Variants in OTOF observed in about 807,000 individuals in gnomAD.
OTOF encodes the protein otoferlin.
In OTOF, 218 loss-of-function variants were observed where a neutral mutation model predicts 236.8. That is an observed-to-expected ratio of 0.92 (90% CI 0.82 to 1.03). OTOF has a LOEUF of 1.03. Among genes scored for constraint, OTOF ranks in the 50% least tolerant of loss-of-function variants. The pLI, the probability that OTOF is intolerant of heterozygous loss-of-function variation, is 0.00. For missense variants in OTOF, 2,590 were observed against 2,694.4 expected (o/e 0.96, Z 0.86); for synonymous variants, 1,041 against 1,072.5 (o/e 0.97, Z 0.57).
At chr2:26,478,043 C>G (rs761544372) in intron 18 of OTOF, 15 of 1,434,208 alleles carry the variant, frequency 1.0e-5, no homozygotes, top group Non-Finnish European at 1.4e-5. Flanking sequence ...GAACTCACGG[C>G]TACGGGGCTC....
chr2:26,478,041 G>A (rs1339209751), intron 18 of OTOF: 7 of 1,434,812 alleles, frequency 4.9e-6, no homozygotes, highest in Non-Finnish European at 6.4e-6. Context: ...CAGAACTCAC[G>A]GCTACGGGGC....
At position 26,542,264 on chromosome 2, in the gene OTOF, C is replaced by T. The variant is rs566243759; in HGVS notation, c.80-4490G>A. Among the ~76,000 whole-genome samples, 4 of 152,322 alleles carry T rather than the reference C, an allele frequency of 2.6e-5. No individual in the cohort carries two copies. The East Asian group carries it at 7.7e-4, about 29-fold the overall frequency. ...GGTGTGCAGGGACACGGCTGCCAGCCCATGTGTGTTCATTCATTTCCACAG... is the reference window on the plus strand; with the variant it reads ...GGTGTGCAGGGACACGGCTGCCAGCTCATGTGTGTTCATTCATTTCCACAG... On this transcript the variant is annotated intron_variant, in intron 1 of 46. Transcript: ENST00000272371.
Position 26,461,827 on chromosome 2 carries a change from G to A in OTOF, c.5402C>T (p.Ala1801Val), listed in dbSNP as rs764563570. Residue 1801 changes from alanine to valine, a missense_variant, in exon 43 of 47, where the codon GCG (alanine) becomes GTG (valine). Around this residue, in one of 2 missense-constraint regions of OTOF, gnomAD observed 1,211 missense variants for 1,352.8 expected, o/e 0.90. Coordinates refer to ENST00000272371, the MANE Select transcript of OTOF (RefSeq NM_194248.3). This position sits in a 1 kb window ranked among gnomAD's most constrained non-coding sequence, Gnocchi z 6.2. The stretch of plus-strand genomic sequence containing the variant: ...GGAGATGACGATCTTCTCCTCCGCC[G>A]CCAGGTAGTCGAAGGGGAACAGGTA... Reference protein sequence around the residue: ...WRYLFPFDYLAAEEKIVISKK... With the variant: ...WRYLFPFDYLVAEEKIVISKK... 84 of 1,614,030 alleles carry A rather than the reference G, an allele frequency of 5.2e-5. No homozygotes were observed. In the Admixed American group the frequency reaches 8.2e-4, roughly 16 times the overall value.
chr2:26,508,633 C>T (rs1666310040), intron 5 of OTOF, among the ~76,000 whole-genome samples: 2 of 152,232 alleles, frequency 1.3e-5, no homozygotes, highest in Non-Finnish European at 2.9e-5. Flanking sequence ...GGTGTTTTCT[C>T]ATCTCCCCAA....
intron 2 of OTOF, 109 bp downstream of exon 2, chr2:26,537,607 G>C (rs2148122707): frequency 1.2e-6 from 1 of 822,784 alleles, no homozygotes; most frequent in East Asian, 2.7e-5. Flanking sequence ...GCTCAGAGCA[G>C]GCCAGTGCCT....
chr2:26,466,592 C>T (rs1428158115), intron 36 of OTOF, 122 bp downstream of exon 36: 3 of 1,209,824 alleles, frequency 2.5e-6, no homozygotes, highest in Admixed American at 1.9e-5. Context: ...CTGCCTTGGC[C>T]TCCCAAAGTG....
rs754740083 is a variant in OTOF at position 26,483,602 on chromosome 2, G to A, written c.1252C>T (p.Arg418Trp). 35 of 1,613,258 alleles carry A rather than the reference G, an allele frequency of 2.2e-5. No individual in the cohort carries two copies. Among genetic ancestry groups the A allele is most frequent in the Non-Finnish European group, 2.8e-5 (33 of 1,180,014 alleles). ...GCTCGGTAAATTTTCACATAGAACC[G>A]GGCCCACTGGCGTTCGGGGGGCACC... ...EGVPPERQWA[R>W]FYVKIYRAEG... The change falls in exon 13 of 47, where the codon CGG (arginine) becomes TGG (tryptophan). Residue 418 changes from arginine (R) to tryptophan (W), a missense_variant. Transcript: ENST00000272371.
rs755515804 is a variant in OTOF, at chr2:26,519,570, C to T, written c.228-461G>A. Among the ~76,000 whole-genome samples the T allele has an allele frequency of 2.7e-4, 41 of 152,214 alleles. 1 individual carries two copies. The highest frequency in any genetic ancestry group is 5.4e-4 in the Non-Finnish European group (37 of 68,034). On this transcript the variant is annotated intron_variant, in intron 3 of 46. Transcript: ENST00000272371. ...CACTCATCCATTCCACATCTGCAGC[C>T]TGTAAGTTCCTGGATGGCAGGAACC... is the stretch of plus-strand genomic sequence containing the variant.
intron 15 of OTOF, 38 bp downstream of exon 15, chr2:26,480,748 G>A: frequency 6.5e-7 from 1 of 1,543,848 alleles, no homozygotes; most frequent in Non-Finnish European, 8.9e-7. Context: ...GGGCTGAGCT[G>A]GAGGCCCTGG....
At chr2:26,549,816 G>T (rs892697235) in intron 1 of OTOF, among the ~76,000 whole-genome samples, 3 of 152,112 alleles carry the variant, frequency 2.0e-5, no homozygotes, top group Non-Finnish European at 2.9e-5. Context: ...TGAAAGCGCT[G>T]GTTCCCATTT....
At chr2:26,541,425 A>G (rs571732755) in intron 1 of OTOF, among the ~76,000 whole-genome samples, 1 of 152,334 alleles carries the variant, frequency 6.6e-6, no homozygotes, top group Admixed American at 6.5e-5. Context: ...ACCTGTAGAT[A>G]TTCTTTTTTA....
chr2:26,550,596 G>A (rs1667435951), intron 1 of OTOF, among the ~76,000 whole-genome samples: 1 of 152,170 alleles, frequency 6.6e-6, no homozygotes, highest in South Asian at 2.1e-4. Flanking sequence ...CTGTCTAGAT[G>A]AGAATCAACT....
rs149069369 is a variant in OTOF at position 26,494,999 on chromosome 2, A to T, written c.840T>A (p.Gly280=). 8 of 1,613,924 alleles carry T rather than the reference A, an allele frequency of 5.0e-6. No homozygotes were observed. In the African/African-American group the frequency reaches 1.1e-4, roughly 22 times the overall value. ...NMDPVVCVEV[G]DDKKYTSMKE... is the part of the protein sequence containing the mutation. The stretch of plus-strand genomic sequence containing the variant: ...TCATGGATGTGTACTTCTTGTCGTC[A>T]CCCACCTCCACGCACACCACAGGGT... Residue 280 remains glycine (G), a synonymous_variant, in exon 9 of 47, where the codon GGT becomes GGA. Coordinates refer to ENST00000272371, the MANE Select transcript of OTOF (RefSeq NM_194248.3).
rs769983044 is a variant in OTOF at position 26,473,126 on chromosome 2, C to G, written c.3733+6G>C. Reference sequence around the variant, plus strand: ...AGGCTTGGTGGCAGGGTGGATGTGGCCATACCCGTGGTGTTCCAGCTGGGG... The same window carrying G: ...AGGCTTGGTGGCAGGGTGGATGTGGGCATACCCGTGGTGTTCCAGCTGGGG... On this transcript the variant is annotated splice_donor_region_variant and intron_variant, in intron 29 of 46. Transcript: ENST00000272371. This position sits in a 1 kb window ranked among gnomAD's most constrained non-coding sequence, Gnocchi z 7.2. 2.5e-5 allele frequency: 41 copies of G among 1,610,842 alleles called. 1 individual carries two copies. In the South Asian group the frequency reaches 4.4e-4, roughly 17 times the overall value.
intron 18 of OTOF, chr2:26,478,062 C>T: frequency 7.0e-7 from 1 of 1,425,348 alleles, no homozygotes; most frequent in Non-Finnish European, 9.1e-7. Context: ...TCAGGGCTGG[C>T]CAGAGACAGA....
chr2:26,470,844 C>T lies in OTOF; in HGVS notation c.3895-123G>A. On this transcript the variant is annotated intron_variant, in intron 31 of 46. Coordinates refer to ENST00000272371, the MANE Select transcript of OTOF (RefSeq NM_194248.3). The surrounding 1 kb of genome is among the most constrained non-coding windows in gnomAD (Gnocchi z 4.3). ...TGGGCTCCATGAGGCTCTGTGGGGC[C>T]ACCCATGTCCAAGGGGCAGGGCCTT... 6.6e-7 allele frequency: 1 copy of T among 1,514,370 alleles called. No individual in the cohort carries two copies. The highest frequency in any genetic ancestry group is 8.9e-7 in the Non-Finnish European group (1 of 1,123,802). The allele number at this position is 1,514,370 out of a possible 1,614,324, so 93.8% of individuals were successfully genotyped here.
intron 36 of OTOF, chr2:26,466,339 CTTTTTTTT>C: frequency 2.0e-6 from 1 of 499,466 alleles, no homozygotes; most frequent in Non-Finnish European, 3.6e-6. Context: ...GCTTCTTCTT[CTTTTTTTT>C]TTCCTTTGAG....
intron 5 of OTOF, 63 bp downstream of exon 5, chr2:26,516,355 G>T: frequency 6.7e-7 from 1 of 1,494,192 alleles, no homozygotes; most frequent in Non-Finnish European, 9.2e-7. Context: ...AGTAGGACCA[G>T]GCCCCAGGTC....
intron 11 of OTOF, among the ~76,000 whole-genome samples, chr2:26,487,963 C>G (rs1009292860): frequency 2.0e-5 from 3 of 152,228 alleles, no homozygotes; most frequent in African/African-American, 7.2e-5. Context: ...AGATGGTGGA[C>G]AAACCCCTTC....
Sources: allele counts gnomAD v4.1 joint callset (sites outside exome capture counted in the v4.1 genomes callset), GRCh38; gene constraint gnomAD v4.1.1; regional missense constraint gnomAD v4.1.1; non-coding constraint Gnocchi (gnomAD v3.1); transcripts MANE v1.5; gene names NCBI Gene and HGNC (gene_info 2026-07-23, HGNC 2026-07-21).